ASNS: variants seen among roughly 807,000 people sequenced by gnomAD.
The protein encoded by ASNS is asparagine synthetase (glutamine-hydrolyzing), also known as asparagine synthetase [glutamine-hydrolyzing].
In ASNS, 37 loss-of-function variants were observed where a neutral mutation model predicts 62.6. The observed-to-expected ratio is 0.59, with a 90% CI of 0.45 to 0.78. The LOEUF is 0.78. Ranked by LOEUF, ASNS falls within the 30% of genes least tolerant of loss-of-function variation. ASNS has a pLI of 0.00. For missense variants in ASNS, 520 were observed against 682.4 expected (o/e 0.76, Z 2.65); for synonymous variants, 207 against 237.9 (o/e 0.87, Z 1.19).
At chr7:97,903,505 G>C in the ASNS span, among the ~76,000 whole-genome samples, 5 of 152,034 alleles carry the variant, frequency 3.3e-5, no homozygotes, top group African/African-American at 1.2e-4. Context: ...ATAAAAGCAC[G>C]GTTCCCCGAA....
chr7:97,857,944 C>T (rs937078264), intron 7 of ASNS, among the ~76,000 whole-genome samples: 1 of 152,082 alleles, frequency 6.6e-6, no homozygotes, highest in African/African-American at 2.4e-5. Context: ...AAACTCCTGA[C>T]CTCAGGTAAT....
the ASNS span, among the ~76,000 whole-genome samples, chr7:97,916,999 A>T: frequency 6.6e-6 from 1 of 152,164 alleles, no homozygotes; most frequent in South Asian, 2.1e-4. Context: ...AAGTGGCCCG[A>T]GAGGATCTTC....
the ASNS span, among the ~76,000 whole-genome samples, chr7:97,899,811 TG>T: frequency 6.6e-6 from 1 of 152,272 alleles, no homozygotes; most frequent in African/African-American, 2.4e-5. Flanking sequence ...TCTCTTCATC[TG>T]GTGATGGGCA....
rs761677126 is a variant in ASNS at position 97,852,410 on chromosome 7, G to T, written c.1535C>A (p.Thr512Asn). Residue 512 changes from threonine (T) to asparagine (N), a missense_variant, in exon 13 of 13, where the codon ACC becomes AAC. Thr to Asn is a moderately conservative substitution (Grantham distance 65). Coordinates refer to ENST00000394308, the MANE Select transcript of ASNS (RefSeq NM_001673.5). ...TTGACGGTAGTAATATCCTTCTTTGGTTTTAGGAGTATTGAAGGGAAATTT... is the reference window on the plus strand; with the variant it reads ...TTGACGGTAGTAATATCCTTCTTTGTTTTTAGGAGTATTGAAGGGAAATTT... Reference protein sequence around the residue: ...AQKFPFNTPKTKEGYYYRQVF... With the variant: ...AQKFPFNTPKNKEGYYYRQVF... 3.1e-6 allele frequency: 5 copies of T among 1,614,020 alleles called. No individual in the cohort carries two copies. Among genetic ancestry groups the T allele is most frequent in the African/African-American group, 1.3e-5 (1 of 74,888 alleles).
the ASNS span, among the ~76,000 whole-genome samples, chr7:97,905,550 T>A: frequency 6.6e-6 from 1 of 152,172 alleles, no homozygotes; most frequent in Admixed American, 6.5e-5. Context: ...CTCTTCCATA[T>A]CTCAAAGCCC....
At chr7:97,927,600 A>G in the ASNS span, among the ~76,000 whole-genome samples, 1 of 152,276 alleles carries the variant, frequency 6.6e-6, no homozygotes, top group Non-Finnish European at 1.5e-5. Flanking sequence ...GAGTCCACGT[A>G]AAAGAAGGAG....
chr7:97,869,575 T>C (rs1792152509), intron 2 of ASNS, among the ~76,000 whole-genome samples: 1 of 152,180 alleles, frequency 6.6e-6, no homozygotes, highest in South Asian at 2.1e-4. Flanking sequence ...AGCCCCACTC[T>C]CACCATCCCA....
At chr7:97,865,819 G>A (rs1388060248) in intron 3 of ASNS, among the ~76,000 whole-genome samples, 3 of 152,156 alleles carry the variant, frequency 2.0e-5, no homozygotes, top group Non-Finnish European at 4.4e-5. Flanking sequence ...GCTTGAACAT[G>A]TGCCATTCTA....
At chr7:97,858,250 T>G in intron 7 of ASNS, 28 bp downstream of exon 7, 1 of 1,610,884 alleles carries the variant, frequency 6.2e-7, no homozygotes, top group Non-Finnish European at 8.5e-7. Flanking sequence ...CTAACTACAC[T>G]ACACAAGGGA....
intron 10 of ASNS, among the ~76,000 whole-genome samples, chr7:97,853,985 A>G (rs1476711518): frequency 6.6e-6 from 1 of 152,232 alleles, no homozygotes; most frequent in Non-Finnish European, 1.5e-5. Context: ...GTGATTCAGC[A>G]GAGGCAACTA....
intron 8 of ASNS, among the ~76,000 whole-genome samples, chr7:97,856,206 T>C (rs1229023800): frequency 1.3e-5 from 2 of 152,246 alleles, no homozygotes; most frequent in African/African-American, 4.8e-5. Flanking sequence ...TGGATCAGTC[T>C]GATTTGGGGT....
the ASNS span, among the ~76,000 whole-genome samples, chr7:97,908,005 T>C: frequency 2.0e-4 from 30 of 152,192 alleles, no homozygotes; most frequent in African/African-American, 7.2e-4. Flanking sequence ...AACTTGTGAA[T>C]TGAATGACCA....
In ASNS at chr7:97,858,385, C is replaced by A; in HGVS notation, c.796G>T (p.Val266Phe). 1.2e-6 allele frequency: 2 copies of A among 1,614,102 alleles called. No individual in the cohort carries two copies. Among genetic ancestry groups the A allele is most frequent in the Middle Eastern group, 1.7e-4 (1 of 6,060 alleles). ...AGCTGCTTCAACAGAGTGGCAGCAA[C>A]CAAGCTGGAGTCCAAGCCCCCTACA... ...LLSGGLDSSL[V>F]AATLLKQLKE... Residue 266 changes from valine (V) to phenylalanine (F), a missense_variant, in exon 7 of 13, where the codon GTT (valine) becomes TTT (phenylalanine). Coordinates refer to ENST00000394308, the MANE Select transcript of ASNS (RefSeq NM_001673.5).
chr7:97,887,850 G>A, the ASNS span, among the ~76,000 whole-genome samples: 1 of 152,244 alleles, frequency 6.6e-6, no homozygotes, highest in Non-Finnish European at 1.5e-5. Context: ...TTAATAGCTA[G>A]ATGGAGATCT....
At chr7:97,890,340 C>T in the ASNS span, among the ~76,000 whole-genome samples, 1 of 151,844 alleles carries the variant, frequency 6.6e-6, no homozygotes, top group Admixed American at 6.6e-5. Flanking sequence ...CAAAGATTAC[C>T]AAATAAATAC....
At chr7:97,891,456 G>C in the ASNS span, among the ~76,000 whole-genome samples, 880 of 152,234 alleles carry the variant, frequency 5.8e-3, 4 homozygotes, top group Non-Finnish European at 9.8e-3. Context: ...GTCCCCCAAA[G>C]TCTTAACTAA....
rs1791869431 is a variant in ASNS at position 97,864,464 on chromosome 7, G to A, written c.282C>T (p.Thr94=). The change falls in exon 4 of 13, where the codon ACC becomes ACT. Residue 94 remains threonine, a synonymous_variant. Transcript: ENST00000394308. The part of the protein sequence containing the change: ...MQQHFEFEYQ[T]KVDGEIILHL... ...GAAGGATTATCTCACCATCCACTTT[G>A]GTCTGGTATTCAAATTCAAAATGCT... 5 of 1,613,804 alleles carry A rather than the reference G, an allele frequency of 3.1e-6. No homozygotes were observed. In the East Asian group the frequency reaches 8.9e-5, roughly 29 times the overall value.
chr7:97,897,945 AT>A, the ASNS span, among the ~76,000 whole-genome samples: 11 of 152,198 alleles, frequency 7.2e-5, no homozygotes, highest in Admixed American at 7.2e-4. Context: ...AAATCCTGTC[AT>A]TTTCAGCTGT....
At chr7:97,925,394 G>T in the ASNS span, among the ~76,000 whole-genome samples, 2 of 152,246 alleles carry the variant, frequency 1.3e-5, no homozygotes, top group South Asian at 2.1e-4. Flanking sequence ...CTCAACTGGG[G>T]TGGTTTTGCT....
Sources: allele counts gnomAD v4.1 joint callset (sites outside exome capture counted in the v4.1 genomes callset), GRCh38; gene constraint gnomAD v4.1.1; transcripts MANE v1.5; gene names NCBI Gene and HGNC (gene_info 2026-07-23, HGNC 2026-07-21).